Variants in VPS54 observed in about 807,000 individuals in gnomAD.
The protein encoded by VPS54 is vacuolar protein sorting-associated protein 54.
In VPS54, 45 loss-of-function variants were observed where a neutral mutation model predicts 121.5. That is an observed-to-expected ratio of 0.37 (90% CI 0.29 to 0.47). The LOEUF is 0.47. Among genes scored for constraint, VPS54 ranks in the 20% least tolerant of loss-of-function variants. VPS54 has a pLI of 0.99. For missense variants in VPS54, 1,090 were observed against 1,131.4 expected, an observed-to-expected ratio of 0.96 and a Z score of 0.52; for synonymous variants, 371 against 385.8, an observed-to-expected ratio of 0.96 and a Z score of 0.45.
intron 3 of VPS54, among the ~76,000 whole-genome samples, chr2:63,980,364 A>G (rs1026634500): frequency 6.6e-6 from 1 of 152,082 alleles, no homozygotes; most frequent in Non-Finnish European, 1.5e-5. Context: ...TATATACAGC[A>G]TATACTTGGG....
intron 3 of VPS54, chr2:63,975,150 A>C: frequency 1.2e-6 from 1 of 868,794 alleles, no homozygotes; most frequent in East Asian, 2.7e-5. Context: ...GGTCCAAGTG[A>C]TTCTCATGCC....
Position 63,913,371 on chromosome 2 carries a change from C to T in VPS54, c.2335-61G>A, listed in dbSNP as rs1441905380. 14 of 1,245,724 alleles carry T rather than the reference C, an allele frequency of 1.1e-5. No individual in the cohort carries two copies. The East Asian group carries it at 3.5e-4, about 31-fold the overall frequency. 77.2% of individuals were successfully genotyped at this position (1,245,724 alleles called of 1,614,324 possible). On this transcript the variant is annotated intron_variant, in intron 17 of 22. Transcript: ENST00000272322. ...CTAAAAACTGTTCTTTATATCCTGGCAATGTGCTATTATAAAAATACATTC... is the reference window on the plus strand; with the variant it reads ...CTAAAAACTGTTCTTTATATCCTGGTAATGTGCTATTATAAAAATACATTC...
chr2:63,923,314 A>G (rs1673736311), intron 12 of VPS54, among the ~76,000 whole-genome samples: 1 of 152,030 alleles, frequency 6.6e-6, no homozygotes, highest in Non-Finnish European at 1.5e-5. Context: ...AGGAAAAAAA[A>G]AAAGAAAAAA....
chr2:63,892,988 A>G lies in VPS54; in HGVS notation c.*442T>C, dbSNP rs1558971534. ...AAACAGCTTTACTTTCATAGAGAAA[A>G]CTTTCTACAGAAGTTGACTAAGATT... On this transcript the variant is annotated 3_prime_UTR_variant, in exon 23 of 23. Transcript: ENST00000272322. 1 of 154,418 alleles carries G rather than the reference A, an allele frequency of 6.5e-6. No individual in the cohort carries two copies. The highest frequency in any genetic ancestry group is 1.4e-5 in the Non-Finnish European group (1 of 69,310). The allele number at this position is 154,418 out of a possible 1,614,324, so 9.6% of individuals were successfully genotyped here.
chr2:63,925,129 G>A (rs62136398), intron 12 of VPS54, among the ~76,000 whole-genome samples: 1 of 152,108 alleles, frequency 6.6e-6, no homozygotes, highest in Non-Finnish European at 1.5e-5. Flanking sequence ...CAGAAAGTGG[G>A]AGAAGATATC....
intron 12 of VPS54, among the ~76,000 whole-genome samples, chr2:63,931,146 C>T (rs1674178518): frequency 6.6e-6 from 1 of 152,038 alleles, no homozygotes; most frequent in Admixed American, 6.6e-5. Context: ...ACTTTCTTCA[C>T]AGAAATGAAA....
At chr2:63,998,838 CATGTT>C (rs1286078734) in intron 1 of VPS54, among the ~76,000 whole-genome samples, 1 of 152,084 alleles carries the variant, frequency 6.6e-6, no homozygotes, top group African/African-American at 2.4e-5. Context: ...CACCAGTTAT[CATGTT>C]ATAATATTCT....
chr2:63,994,280 G>C (rs1156941632), intron 1 of VPS54, among the ~76,000 whole-genome samples: 2 of 152,166 alleles, frequency 1.3e-5, no homozygotes, highest in Non-Finnish European at 2.9e-5. Context: ...TTTCGGCACT[G>C]AATCTCGCTT....
intron 7 of VPS54, among the ~76,000 whole-genome samples, chr2:63,959,005 A>C (rs1251590588): frequency 6.6e-6 from 1 of 152,232 alleles, no homozygotes; most frequent in Non-Finnish European, 1.5e-5. Context: ...TAATAAACTA[A>C]GGAGAACAGC....
intron 11 of VPS54, among the ~76,000 whole-genome samples, chr2:63,938,743 G>C (rs1177771456): frequency 7.9e-5 from 12 of 152,148 alleles, no homozygotes; most frequent in African/African-American, 2.9e-4. Flanking sequence ...GGGATTACAG[G>C]CGTGAGCCAC....
chr2:64,010,093 C>G (rs535766005), intron 1 of VPS54, among the ~76,000 whole-genome samples: 43 of 152,138 alleles, frequency 2.8e-4, no homozygotes, highest in Non-Finnish European at 6.2e-4. Flanking sequence ...TCGCCCACCT[C>G]GGCCTCCCAA....
chr2:63,985,677 T>TCA (rs1677015225), intron 1 of VPS54, among the ~76,000 whole-genome samples: 2 of 112,604 alleles, frequency 1.8e-5, no homozygotes, highest in African/African-American at 7.5e-5. Flanking sequence ...AAGTGACAAA[T>TCA]TATACACACA....
intron 3 of VPS54, among the ~76,000 whole-genome samples, chr2:63,978,528 A>G (rs1160288490): frequency 1.3e-5 from 2 of 152,242 alleles, no homozygotes; most frequent in African/African-American, 4.8e-5. Flanking sequence ...AGAATTCACC[A>G]GTGAAGCCAT....
At chr2:63,942,764 A>G (rs1674800081) in intron 10 of VPS54, among the ~76,000 whole-genome samples, 1 of 152,210 alleles carries the variant, frequency 6.6e-6, no homozygotes, top group South Asian at 2.1e-4. Context: ...AGTTAACTAT[A>G]TCATATATCA....
chr2:63,983,045 T>C (rs996430432), intron 2 of VPS54, among the ~76,000 whole-genome samples: 6 of 152,220 alleles, frequency 3.9e-5, no homozygotes, highest in Non-Finnish European at 8.8e-5. Flanking sequence ...ATGTTTTAAC[T>C]AAGCAGCTTT....
chr2:63,983,475 G>GT, intron 2 of VPS54, among the ~76,000 whole-genome samples: 1 of 110,314 alleles, frequency 9.1e-6, no homozygotes, highest in African/African-American at 3.6e-5. Context: ...GATGGAGTCT[G>GT]TCTGTCACCC....
At chr2:63,997,742 TG>T (rs928960188) in intron 1 of VPS54, among the ~76,000 whole-genome samples, 26 of 152,182 alleles carry the variant, frequency 1.7e-4, no homozygotes, top group African/African-American at 5.8e-4. Context: ...CCACTAATTT[TG>T]TTTGGCTTGC....
intron 1 of VPS54, among the ~76,000 whole-genome samples, chr2:64,000,067 G>C (rs1677798376): frequency 6.6e-6 from 1 of 151,806 alleles, no homozygotes; most frequent in Non-Finnish European, 1.5e-5. Flanking sequence ...TCACCATGTT[G>C]GCCGGGCTGG....
chr2:64,009,017 T>C (rs1678302205), intron 1 of VPS54, among the ~76,000 whole-genome samples: 1 of 152,190 alleles, frequency 6.6e-6, no homozygotes, highest in South Asian at 2.1e-4. Flanking sequence ...ATTCAGTGAG[T>C]TAACTGTGAA....
Sources: allele counts gnomAD v4.1 joint callset (sites outside exome capture counted in the v4.1 genomes callset), GRCh38; gene constraint gnomAD v4.1.1; transcripts MANE v1.5; gene names NCBI Gene and HGNC (gene_info 2026-07-23, HGNC 2026-07-21).